GLS: variants seen among roughly 807,000 people sequenced by gnomAD.
GLS encodes glutaminase kidney isoform, mitochondrial.
A neutral mutation model predicts 86.7 loss-of-function variants in GLS; 36 were observed. The ratio of observed to expected loss-of-function variants is 0.42; its 90% confidence interval spans 0.32 to 0.55. The LOEUF (loss-of-function observed/expected upper bound fraction) is 0.55. Among genes scored for constraint, GLS ranks in the 20% least tolerant of loss-of-function variants. The pLI is 0.17. For synonymous variants in GLS, 317 were observed against 305.9 expected, an observed-to-expected ratio of 1.04 and a Z score of -0.38; for missense variants, 528 against 833.4, an observed-to-expected ratio of 0.63 and a Z score of 4.51.
At chr2:190,933,868 C>G in intron 14 of GLS, 3 of 869,292 alleles carry the variant, frequency 3.5e-6, no homozygotes, top group Non-Finnish European at 4.1e-6. Flanking sequence ...TGAATTTAGT[C>G]TGCAGGTAGT....
At chr2:190,942,067 C>CTGTTTTTTT (rs1690450715) in intron 14 of GLS, among the ~76,000 whole-genome samples, 1 of 38,054 alleles carries the variant, frequency 2.6e-5, no homozygotes, top group Non-Finnish European at 5.8e-5. Context: ...ACTTTGAAGA[C>CTGTTTTTTT]TTTTTTTTTT....
chr2:190,926,399 T>C (rs761658399), intron 11 of GLS, among the ~76,000 whole-genome samples: 3 of 152,192 alleles, frequency 2.0e-5, no homozygotes, highest in Non-Finnish European at 4.4e-5. Context: ...TCTAATTCAC[T>C]GTACTTAGTT....
At chr2:190,882,900 G>A (rs1378086511) in intron 1 of GLS, among the ~76,000 whole-genome samples, 1 of 152,184 alleles carries the variant, frequency 6.6e-6, no homozygotes, top group Non-Finnish European at 1.5e-5. Context: ...AATCTCATCT[G>A]GGACTCACTT....
rs1690801837 is a variant in GLS at position 190,954,275 on chromosome 2, G to A, written c.1713-309G>A. Among the ~76,000 whole-genome samples, 1 of 152,034 alleles carries A rather than the reference G, an allele frequency of 6.6e-6. No individual in the cohort carries two copies. Among genetic ancestry groups the A allele is most frequent in the Admixed American group, 6.6e-5 (1 of 15,242 alleles). The stretch of plus-strand genomic sequence containing the variant: ...AGGGATTAGTTTCTTGCCCTTATGA[G>A]ACATAAACCTTGGTACACAGTTGTG... On this transcript the variant is annotated intron_variant, in intron 15 of 17. Transcript: ENST00000320717. This position sits in a 1 kb window ranked among gnomAD's most constrained non-coding sequence, Gnocchi z 4.0.
At chr2:190,942,343 A>T (rs988380669) in intron 14 of GLS, among the ~76,000 whole-genome samples, 1 of 151,828 alleles carries the variant, frequency 6.6e-6, no homozygotes, top group African/African-American at 2.4e-5. Flanking sequence ...GTCTCCCAAA[A>T]TGCTGGGATT....
chr2:190,915,098 C>G (rs926505753), intron 7 of GLS, among the ~76,000 whole-genome samples: 30 of 151,522 alleles, frequency 2.0e-4, no homozygotes, highest in African/African-American at 7.3e-4. Flanking sequence ...TCACGCCATT[C>G]TCCTGCCTCA....
Position 190,949,815 on chromosome 2 carries a change from A to G in GLS, c.1651-3750A>G, listed in dbSNP as rs1690671064. On this transcript the variant is annotated intron_variant, in intron 14 of 17. Coordinates refer to ENST00000320717, the MANE Select transcript of GLS (RefSeq NM_014905.5). This position sits in a 1 kb window ranked among gnomAD's most constrained non-coding sequence, Gnocchi z 4.0. ...CTTAGTCAATAGATATTTAATGAGC[A>G]CCTATTATGTGTGATAGACACTGAG... Among the ~76,000 whole-genome samples the G allele has an allele frequency of 6.6e-6, 1 of 152,040 alleles. No homozygotes were observed. Among genetic ancestry groups the G allele is most frequent in the African/African-American group, 2.4e-5 (1 of 41,382 alleles).
intron 1 of GLS, among the ~76,000 whole-genome samples, chr2:190,894,895 A>T (rs1296831869): frequency 1.3e-5 from 2 of 152,196 alleles, no homozygotes; most frequent in Non-Finnish European, 2.9e-5. Flanking sequence ...GGGCATTAGC[A>T]CAACTAGAGT....
At chr2:190,888,356 T>A (rs1362724642) in intron 1 of GLS, among the ~76,000 whole-genome samples, 1 of 152,214 alleles carries the variant, frequency 6.6e-6, no homozygotes, top group Admixed American at 6.5e-5. Context: ...GCTTGATATA[T>A]CTCCCTAGTA....
intron 7 of GLS, among the ~76,000 whole-genome samples, chr2:190,918,878 GAACA>G (rs958824651): frequency 2.0e-5 from 3 of 152,132 alleles, no homozygotes; most frequent in African/African-American, 4.8e-5. Flanking sequence ...AGATGGGAAT[GAACA>G]ATCAGTGAAG....
intron 7 of GLS, among the ~76,000 whole-genome samples, chr2:190,915,665 G>C (rs964857889): frequency 1.3e-5 from 2 of 152,010 alleles, no homozygotes; most frequent in African/African-American, 4.8e-5. Context: ...TTTAGTCCAG[G>C]TGTCCTCCTA....
intron 12 of GLS, among the ~76,000 whole-genome samples, chr2:190,928,628 C>A (rs1054830548): frequency 1.3e-5 from 2 of 151,804 alleles, no homozygotes; most frequent in African/African-American, 4.8e-5. Context: ...AGCCATTGCA[C>A]CTGGCCTATT....
intron 11 of GLS, among the ~76,000 whole-genome samples, chr2:190,925,740 A>G (rs903261306): frequency 6.6e-6 from 1 of 152,212 alleles, no homozygotes; most frequent in Non-Finnish European, 1.5e-5. Context: ...TCATCGGCCC[A>G]ATGTGAAAAA....
chr2:190,882,702 T>G (rs1399896044), intron 1 of GLS, among the ~76,000 whole-genome samples: 1 of 152,192 alleles, frequency 6.6e-6, no homozygotes, highest in Non-Finnish European at 1.5e-5. Context: ...TTGAAAAAAA[T>G]CACTTGATGA....
intron 1 of GLS, among the ~76,000 whole-genome samples, chr2:190,883,750 C>G (rs1436812831): frequency 9.2e-5 from 14 of 152,180 alleles, no homozygotes; most frequent in Admixed American, 9.2e-4. Flanking sequence ...TTACCTTTTG[C>G]TCTGCTGATA....
chr2:190,904,895 TG>T, intron 5 of GLS, 108 bp from the exon 6 acceptor site: 4 of 700,210 alleles, frequency 5.7e-6, no homozygotes, highest in Non-Finnish European at 7.6e-6. Context: ...GGTTGAATTA[TG>T]GGAAAATTTT....
At chr2:190,892,674 G>A (rs1339352950) in intron 1 of GLS, among the ~76,000 whole-genome samples, 1 of 152,110 alleles carries the variant, frequency 6.6e-6, no homozygotes, top group East Asian at 1.9e-4. Context: ...AGTTTGAGGA[G>A]AATATTTGAG....
chr2:190,881,246 C>G lies in GLS; in HGVS notation c.162C>G (p.Leu54=). Residue 54 remains leucine, a synonymous_variant, in exon 1 of 18, where the codon CTC becomes CTG. Transcript: ENST00000320717. ...CGGGCCCGGCTGCCGCCGCGCGACT[C>G]CACCCGTGGTGGGGCGGGGGCGGCT... ...PAAGPAAAAR[L]HPWWGGGGWP... 7.9e-7 allele frequency: 1 copy of G among 1,263,898 alleles called. No individual in the cohort carries two copies. The highest frequency in any genetic ancestry group is 3.1e-5 in the South Asian group (1 of 32,166). 78.3% of individuals were successfully genotyped at this position (1,263,898 alleles called of 1,614,324 possible). A position where few individuals can be genotyped will look rare whatever the true frequency, so the allele number is the denominator to read the frequency against.
Position 190,895,761 on chromosome 2 carries a change from C to T in GLS, c.605+36C>T. The stretch of plus-strand genomic sequence containing the variant: ...CTGCCAAACCTTTAATGGTGATTTG[C>T]TATGCTATACGGTGATTCTGCTTTT... On this transcript the variant is annotated intron_variant, in intron 3 of 17. Transcript: ENST00000320717. The surrounding 1 kb of genome is among the most constrained non-coding windows in gnomAD (Gnocchi z 4.2). 4 of 1,542,810 alleles carry T rather than the reference C, an allele frequency of 2.6e-6. No individual in the cohort carries two copies. The highest frequency in any genetic ancestry group is 3.5e-6 in the Non-Finnish European group (4 of 1,132,258).
Sources: allele counts gnomAD v4.1 joint callset (sites outside exome capture counted in the v4.1 genomes callset), GRCh38; gene constraint gnomAD v4.1.1; non-coding constraint Gnocchi (gnomAD v3.1); transcripts MANE v1.5; gene names NCBI Gene and HGNC (gene_info 2026-07-23, HGNC 2026-07-21).